Variants in KIAA1549L observed in about 807,000 individuals in gnomAD.
The protein encoded by KIAA1549L is UPF0606 protein KIAA1549L.
In KIAA1549L, 88 loss-of-function variants were observed where a neutral mutation model predicts 160.7. That is an observed-to-expected ratio of 0.55 (90% confidence interval 0.46 to 0.65). KIAA1549L has a LOEUF of 0.65. KIAA1549L is among the 30% of genes least tolerant of loss of function. The pLI is 0.00. For synonymous variants in KIAA1549L, 950 were observed against 976.7 expected (o/e 0.97, Z 0.51); for missense variants, 2,258 against 2,437.5 (o/e 0.93, Z 1.55).
chr11:33,657,461 T>C lies in KIAA1549L; in HGVS notation c.5859-1289T>C, dbSNP rs1172020034. The stretch of plus-strand genomic sequence containing the variant: ...CCAGGAAGGAACCTTTGAGATGAGT[T>C]TGTCTACCCCTGTCATTGTATAGAT... On this transcript the variant is annotated intron_variant, in intron 18 of 20. Coordinates refer to ENST00000658780, the MANE Select transcript of KIAA1549L (RefSeq NM_012194.3). 2.0e-5 allele frequency among the ~76,000 whole-genome samples: 3 copies of C among 151,922 alleles called. No individual in the cohort carries two copies. In the East Asian group the frequency reaches 5.8e-4, roughly 29 times the overall value.
In KIAA1549L at chr11:33,475,695, CA is replaced by C. The variant is rs11376263; in HGVS notation, c.239-66092del. Among the ~76,000 whole-genome samples the C allele has an allele frequency of 6.4e-3, 898 of 139,382 alleles. 1 individual carries two copies. Among genetic ancestry groups the C allele is most frequent in the Non-Finnish European group, 7.9e-3 (505 of 63,880 alleles). 91.4% of individuals were successfully genotyped at this position (139,382 alleles called of 152,430 possible). A position where few individuals can be genotyped will look rare whatever the true frequency, so the allele number is the denominator to read the frequency against. ...TAGCAAGACCCTCATCTCGCTCTCT[CA>C]AAAAAAAAAAAAAATTAGCTAGACG... On this transcript the variant is annotated intron_variant, in intron 1 of 20. Transcript: ENST00000658780.
At chr11:33,586,137 G>A (rs917494909) in intron 11 of KIAA1549L, among the ~76,000 whole-genome samples, 1 of 152,246 alleles carries the variant, frequency 6.6e-6, no homozygotes, top group Admixed American at 6.5e-5. Context: ...TATTGTCAAA[G>A]GACGAGGCAG....
At chr11:33,408,834 C>T (rs574503309) in intron 1 of KIAA1549L, among the ~76,000 whole-genome samples, 21 of 149,582 alleles carry the variant, frequency 1.4e-4, no homozygotes, top group African/African-American at 5.2e-4. Context: ...CCTGTAATCC[C>T]AGCTACTCGG....
intron 1 of KIAA1549L, among the ~76,000 whole-genome samples, chr11:33,409,154 C>A (rs2134083849): frequency 6.6e-6 from 1 of 151,654 alleles, no homozygotes; most frequent in Non-Finnish European, 1.5e-5. Flanking sequence ...GAAGCGTTTA[C>A]AAAGTCTTTG....
At chr11:33,448,868 A>G (rs939208578) in intron 1 of KIAA1549L, among the ~76,000 whole-genome samples, 3 of 152,252 alleles carry the variant, frequency 2.0e-5, no homozygotes, top group African/African-American at 7.2e-5. Flanking sequence ...CTATTTCAAA[A>G]GAAACAACTT....
intron 1 of KIAA1549L, among the ~76,000 whole-genome samples, chr11:33,495,215 C>T (rs1049606610): frequency 4.6e-5 from 7 of 151,758 alleles, no homozygotes; most frequent in Admixed American, 6.6e-5. Context: ...CATGCTGGTG[C>T]GCTGCACCCA....
intron 1 of KIAA1549L, among the ~76,000 whole-genome samples, chr11:33,400,292 G>T (rs1299201031): frequency 1.3e-5 from 2 of 152,220 alleles, no homozygotes; most frequent in Non-Finnish European, 2.9e-5. Context: ...AGGGTTGCAT[G>T]AAAATAGCTA....
chr11:33,378,990 T>C (rs1018668696), intron 1 of KIAA1549L, among the ~76,000 whole-genome samples: 2 of 152,184 alleles, frequency 1.3e-5, no homozygotes, highest in Non-Finnish European at 2.9e-5. Context: ...CCTTTGACTT[T>C]CTGCAAACAA....
At chr11:33,599,048 G>T (rs564394273) in intron 13 of KIAA1549L, 101 bp downstream of exon 13, 53 of 1,375,952 alleles carry the variant, frequency 3.9e-5, no homozygotes, top group Non-Finnish European at 5.3e-5. Flanking sequence ...CAGCCACTGG[G>T]CTCTGACCCT....
At chr11:33,429,514 C>T (rs1851188332) in intron 1 of KIAA1549L, among the ~76,000 whole-genome samples, 2 of 152,162 alleles carry the variant, frequency 1.3e-5, no homozygotes, top group African/African-American at 4.8e-5. Flanking sequence ...CATTTTCGGT[C>T]CTCAATGTAT....
chr11:33,556,787 A>T (rs962362479), intron 6 of KIAA1549L, among the ~76,000 whole-genome samples: 1 of 152,110 alleles, frequency 6.6e-6, no homozygotes, highest in African/African-American at 2.4e-5. Context: ...GGTTCTAAAG[A>T]TGGATGGTGG....
chr11:33,483,611 A>G (rs1449515157), intron 1 of KIAA1549L, among the ~76,000 whole-genome samples: 4 of 152,070 alleles, frequency 2.6e-5, no homozygotes, highest in Non-Finnish European at 5.9e-5. Flanking sequence ...CTCATCTTGA[A>G]TTGTGGCTCC....
intron 15 of KIAA1549L, among the ~76,000 whole-genome samples, chr11:33,615,916 G>A (rs188958973): frequency 7.9e-5 from 12 of 152,270 alleles, no homozygotes; most frequent in African/African-American, 2.9e-4. Context: ...AATTCCTCTC[G>A]AGTCTGCAGA....
intron 1 of KIAA1549L, among the ~76,000 whole-genome samples, chr11:33,485,550 T>C (rs1160390689): frequency 6.6e-6 from 1 of 152,232 alleles, no homozygotes; most frequent in Admixed American, 6.5e-5. Context: ...ATATTTATGG[T>C]GTACAATATG....
At chr11:33,392,629 T>C (rs1419160460) in intron 1 of KIAA1549L, among the ~76,000 whole-genome samples, 1 of 152,212 alleles carries the variant, frequency 6.6e-6, no homozygotes, top group Non-Finnish European at 1.5e-5. Flanking sequence ...CATTCCCATC[T>C]CTTCTCACTC....
Position 33,583,361 on chromosome 11 carries a change from A to T in KIAA1549L, c.4426A>T (p.Asn1476Tyr). 1.2e-6 allele frequency: 2 copies of T among 1,606,306 alleles called. No homozygotes were observed. Among genetic ancestry groups the T allele is most frequent in the Non-Finnish European group, 1.7e-6 (2 of 1,176,532 alleles). ...AGCCGTGGTGAAGAACCCGCCCAAT[A>T]ACCTGTGGATCATCGCTGCAGTGCT... Reference protein sequence around the residue: ...ADPVVKNPPNNLWIIAAVLAP... With the variant: ...ADPVVKNPPNYLWIIAAVLAP... The change falls in exon 11 of 21, where the codon AAC (asparagine) becomes TAC (tyrosine). Residue 1476 changes from asparagine to tyrosine, a missense_variant. Asn to Tyr is a moderately radical substitution (Grantham distance 143, BLOSUM62 -2). Transcript: ENST00000658780.
At chr11:33,526,782 G>T (rs1853622822) in intron 1 of KIAA1549L, among the ~76,000 whole-genome samples, 1 of 152,188 alleles carries the variant, frequency 6.6e-6, no homozygotes, top group Non-Finnish European at 1.5e-5. Flanking sequence ...TAGCTCTCCA[G>T]CAATGGATCC....
intron 1 of KIAA1549L, among the ~76,000 whole-genome samples, chr11:33,382,501 T>C (rs1357585774): frequency 6.6e-6 from 1 of 152,070 alleles, no homozygotes; most frequent in Non-Finnish European, 1.5e-5. Context: ...GTTTTTTCTC[T>C]AGAGAAAAGC....
chr11:33,512,414 T>C (rs945520334), intron 1 of KIAA1549L, among the ~76,000 whole-genome samples: 4 of 152,198 alleles, frequency 2.6e-5, no homozygotes, highest in Non-Finnish European at 5.9e-5. Context: ...ATGGTTACCA[T>C]GTTCCAGGTA....
Sources: gnomAD v4.1 joint callset for allele counts (sites outside exome capture counted in the v4.1 genomes callset) on GRCh38, gnomAD v4.1.1 for gene constraint, MANE v1.5 for transcripts, NCBI Gene and HGNC (gene_info 2026-07-23, HGNC 2026-07-21) for gene names.